RPS6KA6: variants seen among roughly 807,000 people sequenced by gnomAD.
RPS6KA6 encodes the protein ribosomal protein S6 kinase A6, also known as ribosomal protein S6 kinase alpha-6.
In RPS6KA6, 27 loss-of-function variants were observed where a neutral mutation model predicts 65.4. The observed-to-expected ratio is 0.41, with a 90% CI of 0.30 to 0.57. The LOEUF is 0.57. Among genes scored for constraint, RPS6KA6 ranks in the 20% least tolerant of loss-of-function variants. The pLI, the probability that RPS6KA6 is intolerant of heterozygous loss-of-function variation, is 0.24. For missense variants in RPS6KA6, 486 were observed against 555.6 expected (o/e 0.87, Z 1.26); for synonymous variants, 190 against 184.2 (o/e 1.03, Z -0.26).
chrX:84,161,475 T>C (rs921817822), intron 2 of RPS6KA6, among the ~76,000 whole-genome samples: 1 of 111,110 alleles, frequency 9.0e-6, no homozygotes, highest in Non-Finnish European at 1.9e-5. Flanking sequence ...TGAATAGAAA[T>C]TAGAAGTAAA....
At chrX:84,080,064 C>T (rs139766700) in intron 20 of RPS6KA6, among the ~76,000 whole-genome samples, 2,618 of 110,671 alleles carry the variant, frequency 0.024, 84 homozygotes, top group African/African-American at 0.081. Context: ...ACAAACACCT[C>T]ATACAGGAGA....
rs749710740 is a variant in RPS6KA6 at position 84,163,244 on chromosome X, C to T, written c.141+1084G>A. Among the ~76,000 whole-genome samples the T allele has an allele frequency of 9.9e-4, 111 of 112,324 alleles. 1 individual carries two copies. The South Asian group carries it at 0.012, about 12-fold the overall frequency. On this transcript the variant is annotated intron_variant, in intron 2 of 21. Transcript: ENST00000262752. ...TAAGTCTTGATTCTGCTACTAGCTA[C>T]TTTTATCACCTAGTATAAATCACAG...
chrX:84,104,804 A>G, intron 16 of RPS6KA6, 147 bp from the exon 17 acceptor site: 2 of 340,388 alleles, frequency 5.9e-6, no homozygotes, highest in Non-Finnish European at 9.7e-6. Flanking sequence ...CTCTTAATGC[A>G]GTACAGGCTG....
chrX:84,111,967 T>G (rs750550311), intron 12 of RPS6KA6, among the ~76,000 whole-genome samples: 1 of 111,044 alleles, frequency 9.0e-6, no homozygotes, highest in East Asian at 2.8e-4. Context: ...ATCTACAGAC[T>G]TAAAGTAAAG....
At chrX:84,184,829 C>A (rs865879347) in intron 1 of RPS6KA6, among the ~76,000 whole-genome samples, 69 of 20,025 alleles carry the variant, frequency 3.4e-3, no homozygotes, top group African/African-American at 6.4e-3. Flanking sequence ...GACCCTGACT[C>A]AAAAAAAAAA....
At chrX:84,112,359 C>G (rs2034484672) in intron 12 of RPS6KA6, among the ~76,000 whole-genome samples, 1 of 112,091 alleles carries the variant, frequency 8.9e-6, no homozygotes, top group South Asian at 3.7e-4. Context: ...TCAACAACTA[C>G]AGCATATACA....
chrX:84,176,306 G>C (rs2035767963), intron 1 of RPS6KA6, among the ~76,000 whole-genome samples: 1 of 111,895 alleles, frequency 8.9e-6, no homozygotes, highest in Non-Finnish European at 1.9e-5. Flanking sequence ...ATGCATTTGG[G>C]AAGTTTACTT....
chrX:84,128,578 G>A (rs1436894463), intron 8 of RPS6KA6, among the ~76,000 whole-genome samples: 1 of 111,563 alleles, frequency 9.0e-6, no homozygotes, highest in East Asian at 2.8e-4. Flanking sequence ...CAAAACTGGA[G>A]GAATCACATT....
chrX:84,128,077 G>T (rs1425220285), intron 8 of RPS6KA6, among the ~76,000 whole-genome samples: 2 of 111,327 alleles, frequency 1.8e-5, no homozygotes, highest in African/African-American at 6.5e-5. Flanking sequence ...AAAACCTAAA[G>T]ACTCCTCCAA....
chrX:84,109,223 T>C (rs1274082972), intron 12 of RPS6KA6, among the ~76,000 whole-genome samples: 1 of 112,160 alleles, frequency 8.9e-6, no homozygotes, highest in Non-Finnish European at 1.9e-5. Flanking sequence ...GGGTCTGCCT[T>C]CCCCAGTGAA....
chrX:84,130,150 A>C (rs980238308), intron 8 of RPS6KA6, among the ~76,000 whole-genome samples: 2 of 111,332 alleles, frequency 1.8e-5, no homozygotes, highest in African/African-American at 6.5e-5. Context: ...TTTAAATTTA[A>C]ATTTTAAAAA....
chrX:84,118,554 TAAA>T (rs1325951352), intron 9 of RPS6KA6, among the ~76,000 whole-genome samples: 1 of 111,781 alleles, frequency 8.9e-6, no homozygotes, highest in African/African-American at 3.3e-5. Flanking sequence ...TGCTACATGT[TAAA>T]AATTATTTTT....
chrX:84,186,279 C>T (rs1170049052), intron 1 of RPS6KA6: 3 of 378,603 alleles, frequency 7.9e-6, no homozygotes, highest in Non-Finnish European at 1.4e-5. Flanking sequence ...TCCCACCTCC[C>T]ATCCCATCCT....
intron 3 of RPS6KA6, 142 bp downstream of exon 3, chrX:84,155,928 TGAAAG>T: frequency 2.4e-6 from 1 of 408,871 alleles, no homozygotes; most frequent in South Asian, 4.7e-5. Flanking sequence ...ACAACAGAAA[TGAAAG>T]GAATAAAATT....
intron 1 of RPS6KA6, among the ~76,000 whole-genome samples, 175 bp downstream of exon 1, chrX:84,187,644 C>T (rs2035944293): frequency 8.9e-6 from 1 of 112,313 alleles, no homozygotes; most frequent in Non-Finnish European, 1.9e-5. Flanking sequence ...AAGCCCGAGC[C>T]CGCCGTCTCA....
chrX:84,102,195 C>A lies in RPS6KA6; in HGVS notation c.1618G>T (p.Val540Phe). The A allele has an allele frequency of 9.2e-7, 1 of 1,083,988 alleles. No homozygotes were observed. The allele number at this position is 1,083,988 out of a possible 1,213,427, so 89.3% of individuals were successfully genotyped here. ...TTACTAGGTTTAAGATCACGATGAA[C>A]AACCTTGAATATAAAGGAAAAAAGC... ...TVDYLHCQGV[V>F]HRDLKPSNIL... is the part of the protein sequence containing the mutation. The change falls in exon 18 of 22, where the codon GTT (valine) becomes TTT (phenylalanine). Residue 540 changes from valine to phenylalanine, a missense_variant. By Grantham distance (50) the Val-to-Phe change is conservative. Around this residue, in one of 3 missense-constraint regions of RPS6KA6, gnomAD observed 345 missense variants for 375.0 expected, o/e 0.92. Transcript: ENST00000262752.
chrX:84,159,591 T>C (rs1380409455), intron 2 of RPS6KA6, among the ~76,000 whole-genome samples: 1 of 111,108 alleles, frequency 9.0e-6, no homozygotes, highest in Non-Finnish European at 1.9e-5. Context: ...ACACTGGGGA[T>C]ACAGAAATAA....
rs2035947925 is a variant in RPS6KA6, at chrX:84,187,835, C to A, written c.65G>T (p.Gly22Val). The A allele has an allele frequency of 8.3e-7, 1 of 1,203,435 alleles. No homozygotes were observed. Among genetic ancestry groups the A allele is most frequent in the Non-Finnish European group, 1.1e-6 (1 of 891,908 alleles). The change falls in exon 1 of 22, where the codon GGC becomes GTC. Residue 22 changes from glycine (G) to valine (V), a missense_variant. Around this residue, in one of 3 missense-constraint regions of RPS6KA6, gnomAD observed 106 missense variants for 105.0 expected, o/e 1.01. Coordinates refer to ENST00000262752, the MANE Select transcript of RPS6KA6 (RefSeq NM_014496.5). ...DREMEVFSGGGASSGEVNGLK... is the reference protein window; with the variant it reads ...DREMEVFSGGVASSGEVNGLK... ...CACACTAACCTCGCCGCTGCTCGCG[C>A]CGCCGCCGCTGAACACTTCCATTTC...
chrX:84,103,790 G>A (rs1047476603), intron 17 of RPS6KA6, among the ~76,000 whole-genome samples: 1 of 110,670 alleles, frequency 9.0e-6, no homozygotes, highest in African/African-American at 3.3e-5. Context: ...ACACAAAATT[G>A]AGTACTATTT....
Sources: gnomAD v4.1 joint callset for allele counts (sites outside exome capture counted in the v4.1 genomes callset) on GRCh38, gnomAD v4.1.1 for gene constraint, gnomAD v4.1.1 regional missense constraint, MANE v1.5 for transcripts, NCBI Gene and HGNC (gene_info 2026-07-23, HGNC 2026-07-21) for gene names.